The following DNMBP variants were observed in gnomAD, a reference collection of about 807,000 sequenced individuals.
The protein encoded by DNMBP is dynamin-binding protein.
A neutral mutation model predicts 150.0 loss-of-function variants in DNMBP; 87 were observed. The ratio of observed to expected loss-of-function variants is 0.58; its 90% CI spans 0.49 to 0.69. The LOEUF (loss-of-function observed/expected upper bound fraction) is 0.69, where lower values mean the gene tolerates loss of function less well. Ranked by LOEUF, DNMBP falls within the 30% of genes least tolerant of loss-of-function variation. The probability of loss-of-function intolerance (pLI) is 0.00; values close to 1 mark genes in which losing one functional copy is unlikely to be tolerated. For synonymous variants in DNMBP, 711 were observed against 750.4 expected (o/e 0.95, Z 0.86); for missense variants, 1,774 against 1,949.0 (o/e 0.91, Z 1.69).
chr10:99,893,617 C>T (rs2039609002), intron 11 of DNMBP, among the ~76,000 whole-genome samples: 1 of 152,174 alleles, frequency 6.6e-6, no homozygotes, highest in African/African-American at 2.4e-5. Context: ...GCCTCAGCTA[C>T]TTGGGAGGCT....
At position 99,934,341 on chromosome 10, in the gene DNMBP, A is replaced by G. The variant is rs1404375041; in HGVS notation, c.2260+20873T>C. Among the ~76,000 whole-genome samples, 4 of 150,592 alleles carry G rather than the reference A, an allele frequency of 2.7e-5. 1 individual carries two copies. Among genetic ancestry groups the G allele is most frequent in the African/African-American group, 9.8e-5 (4 of 40,644 alleles). On this transcript the variant is annotated intron_variant, in intron 4 of 16. Transcript: ENST00000324109. The stretch of plus-strand genomic sequence containing the variant: ...AAGCCTAGGTTTCAGATGGAGAGAC[A>G]GTGTAACTGGAGTAAGGCTTTGGGG...
At chr10:99,990,188 G>C (rs2040870612) in intron 1 of DNMBP, among the ~76,000 whole-genome samples, 1 of 152,184 alleles carries the variant, frequency 6.6e-6, no homozygotes, top group African/African-American at 2.4e-5. Context: ...AGGTTAGGAA[G>C]GTTGGGTTTT....
At chr10:99,962,937 C>A (rs2040580071) in intron 3 of DNMBP, among the ~76,000 whole-genome samples, 1 of 151,818 alleles carries the variant, frequency 6.6e-6, no homozygotes, top group African/African-American at 2.4e-5. Flanking sequence ...AGCTTTATTA[C>A]CTGATGGACT....
In DNMBP at chr10:99,904,602, A is replaced by G. The variant is rs1025125632; in HGVS notation, c.2554+3393T>C. On this transcript the variant is annotated intron_variant, in intron 6 of 16. Coordinates refer to ENST00000324109, the MANE Select transcript of DNMBP (RefSeq NM_015221.4). ...TTAGAGCCACCGGCATGGTACTCTC[A>G]GTCTTGGCTCCCTCAAGCCCCACCA... Among the ~76,000 whole-genome samples the G allele has an allele frequency of 5.3e-5, 8 of 152,188 alleles. No individual in the cohort carries two copies. The East Asian group carries it at 1.5e-3, about 29-fold the overall frequency.
At chr10:99,913,942 C>G (rs2039932248) in intron 4 of DNMBP, 1 of 1,372,788 alleles carries the variant, frequency 7.3e-7, no homozygotes, top group Non-Finnish European at 9.5e-7. Context: ...CTCCCACACC[C>G]CAGGACCTAC....
chr10:99,915,512 G>C (rs1045015209), intron 4 of DNMBP, among the ~76,000 whole-genome samples: 6 of 151,910 alleles, frequency 3.9e-5, no homozygotes, highest in African/African-American at 1.4e-4. Context: ...TTCGAGACCA[G>C]CCTGGGCAAC....
chr10:99,889,822 C>T (rs564613015), intron 11 of DNMBP, among the ~76,000 whole-genome samples: 1 of 152,224 alleles, frequency 6.6e-6, no homozygotes, highest in African/African-American at 2.4e-5. Flanking sequence ...TCCCCTATGT[C>T]CCTAATAGGG....
At chr10:99,888,793 G>A (rs1445206328) in intron 12 of DNMBP, 32 bp downstream of exon 12, 2 of 1,612,920 alleles carry the variant, frequency 1.2e-6, no homozygotes, top group Non-Finnish European at 1.7e-6. Context: ...ACCCTGGGAA[G>A]GGGGCCAACT....
chr10:99,944,954 TAAGATCCTA>T (rs2040340693), intron 4 of DNMBP, among the ~76,000 whole-genome samples: 1 of 152,162 alleles, frequency 6.6e-6, no homozygotes, highest in African/African-American at 2.4e-5. Flanking sequence ...TGTAATAAGC[TAAGATCCTA>T]AAGAACTCCC....
chr10:99,877,103 GCGGAC>G lies in DNMBP; in HGVS notation c.*43_*47del. On this transcript the variant is annotated 3_prime_UTR_variant, in exon 17 of 17. Coordinates refer to ENST00000324109, the MANE Select transcript of DNMBP (RefSeq NM_015221.4). ...TCTCGGTGGGCCGCCAGAACCCTCGGCGGACTGAAAGCAAAGGCAGCAAGGCTGGG... is the reference window on the plus strand; with the variant it reads ...TCTCGGTGGGCCGCCAGAACCCTCGGTGAAAGCAAAGGCAGCAAGGCTGGG... The G allele has an allele frequency of 7.2e-7, 1 of 1,390,744 alleles. No individual in the cohort carries two copies. The highest frequency in any genetic ancestry group is 2.4e-5 in the Admixed American group (1 of 41,718). 86.2% of individuals were successfully genotyped at this position (1,390,744 alleles called of 1,614,324 possible).
intron 8 of DNMBP, 150 bp downstream of exon 8, chr10:99,898,593 C>G (rs1282423831): frequency 1.2e-6 from 1 of 838,686 alleles, no homozygotes; most frequent in Non-Finnish European, 2.0e-6. Context: ...AAAGTGTTCC[C>G]TTGGGGATAA....
intron 9 of DNMBP, among the ~76,000 whole-genome samples, chr10:99,897,235 G>A (rs1372256118): frequency 6.6e-6 from 1 of 152,142 alleles, no homozygotes; most frequent in Non-Finnish European, 1.5e-5. Flanking sequence ...GACCTGATGA[G>A]TGCATTCAGT....
At chr10:99,976,672 CA>C (rs1161803694) in intron 1 of DNMBP, among the ~76,000 whole-genome samples, 1 of 152,130 alleles carries the variant, frequency 6.6e-6, no homozygotes, top group African/African-American at 2.4e-5. Context: ...AGTTTTTCAA[CA>C]GTTATTTTCA....
chr10:99,935,461 A>T (rs1227367721), intron 4 of DNMBP, among the ~76,000 whole-genome samples: 5 of 151,988 alleles, frequency 3.3e-5, no homozygotes, highest in Non-Finnish European at 7.3e-5. Flanking sequence ...ATCATAGTTC[A>T]CTGTAGCCTT....
intron 1 of DNMBP, among the ~76,000 whole-genome samples, chr10:99,978,302 TTC>T (rs1225789343): frequency 6.6e-6 from 1 of 152,224 alleles, no homozygotes; most frequent in African/African-American, 2.4e-5. Flanking sequence ...ACTTCCATTT[TTC>T]TGTTTCTCCA....
At chr10:99,901,692 C>T (rs2039740905) in intron 6 of DNMBP, among the ~76,000 whole-genome samples, 1 of 152,006 alleles carries the variant, frequency 6.6e-6, no homozygotes, top group South Asian at 2.1e-4. Flanking sequence ...TTGGTGCTCC[C>T]TTCTTCAGCT....
intron 1 of DNMBP, among the ~76,000 whole-genome samples, chr10:99,973,363 T>C (rs368127258): frequency 6.6e-6 from 1 of 152,236 alleles, no homozygotes; most frequent in South Asian, 2.1e-4. Context: ...TCAGCAAATG[T>C]AGGCTTTTCA....
At chr10:99,931,302 C>T (rs2040154614) in intron 4 of DNMBP, among the ~76,000 whole-genome samples, 1 of 152,184 alleles carries the variant, frequency 6.6e-6, no homozygotes, top group South Asian at 2.1e-4. Flanking sequence ...CCTTGAACAT[C>T]TGAAACCTTT....
intron 1 of DNMBP, among the ~76,000 whole-genome samples, chr10:99,990,637 C>T (rs1404577383): frequency 6.8e-6 from 1 of 146,566 alleles, no homozygotes; most frequent in Non-Finnish European, 1.5e-5. Context: ...ACAAGAAAGA[C>T]AGTGTGTGTA....
Sources: allele counts gnomAD v4.1 joint callset (sites outside exome capture counted in the v4.1 genomes callset), GRCh38; gene constraint gnomAD v4.1.1; transcripts MANE v1.5; gene names NCBI Gene and HGNC (gene_info 2026-07-23, HGNC 2026-07-21).